Variants in NAA15 observed in about 807,000 individuals in gnomAD.
NAA15 encodes N-terminal acetyltransferase.
In NAA15, 34 loss-of-function variants were observed where a neutral mutation model predicts 114.0. That is an observed-to-expected ratio of 0.30 (90% confidence interval 0.23 to 0.40). The LOEUF (loss-of-function observed/expected upper bound fraction) is 0.40. Ranked by LOEUF, NAA15 falls within the 10% of genes least tolerant of loss-of-function variation. The pLI, the probability that NAA15 is intolerant of heterozygous loss-of-function variation, is 1.00. For missense variants in NAA15, 658 were observed against 1,004.5 expected (o/e 0.66, Z 4.66); for synonymous variants, 340 against 338.0 (o/e 1.01, Z -0.06).
intron 4 of NAA15, among the ~76,000 whole-genome samples, chr4:139,342,396 A>G (rs1272596733): frequency 6.6e-6 from 1 of 152,002 alleles, no homozygotes; most frequent in Non-Finnish European, 1.5e-5. Flanking sequence ...AAGCTACACA[A>G]TATGGATGTT....
At chr4:139,332,574 T>TG in intron 1 of NAA15, among the ~76,000 whole-genome samples, 1 of 87,808 alleles carries the variant, frequency 1.1e-5, no homozygotes, top group Non-Finnish European at 2.1e-5. Context: ...GTTTGTATGT[T>TG]TTTTTTTTTT....
chr4:139,334,058 A>G, intron 1 of NAA15, 116 bp from the exon 2 acceptor site: 2 of 660,808 alleles, frequency 3.0e-6, no homozygotes, highest in Admixed American at 3.3e-5. Context: ...ACCGAGATTT[A>G]GAAGCATATG....
At chr4:139,302,165 G>A in intron 1 of NAA15, 1 of 285,450 alleles carries the variant, frequency 3.5e-6, no homozygotes, top group East Asian at 6.2e-5. Context: ...GGCGACACCG[G>A]CAGGAGTCGC....
chr4:139,301,870 A>T (rs1319358220), intron 1 of NAA15, 39 bp downstream of exon 1: 1 of 1,562,946 alleles, frequency 6.4e-7, no homozygotes, highest in Non-Finnish European at 8.7e-7. Flanking sequence ...GGGAGGATTT[A>T]GCCGGTAACC....
At chr4:139,352,429 T>A (rs922601857) in intron 9 of NAA15, among the ~76,000 whole-genome samples, 1 of 151,642 alleles carries the variant, frequency 6.6e-6, no homozygotes, top group Non-Finnish European at 1.5e-5. Flanking sequence ...TAATTTTAAT[T>A]TTTAGATTAT....
chr4:139,340,761 T>G (rs1266035894), intron 3 of NAA15, 151 bp from the exon 4 acceptor site: 1 of 567,698 alleles, frequency 1.8e-6, no homozygotes, highest in African/African-American at 1.9e-5. Flanking sequence ...ATTAAACTGC[T>G]TTATATCTTT....
chr4:139,349,648 T>C (rs1747716047), intron 7 of NAA15, 67 bp downstream of exon 7: 17 of 1,433,332 alleles, frequency 1.2e-5, no homozygotes, highest in Non-Finnish European at 1.6e-5. Flanking sequence ...ATTTACTCAT[T>C]GAAAAGCACA....
chr4:139,356,440 T>C (rs1747953338), intron 10 of NAA15: 1 of 152,212 alleles, frequency 6.6e-6, no homozygotes, highest in Non-Finnish European at 1.5e-5. Context: ...ATAGTACTTT[T>C]TTCCATGATT....
Position 139,308,320 on chromosome 4 carries a change from C to G in NAA15, c.54+6489C>G, listed in dbSNP as rs1746096153. ...ATTTTCTTTGGGAAAGTTAATGTTT[C>G]TGCTAGTTAATGATACTTAGTTTAG... On this transcript the variant is annotated intron_variant, in intron 1 of 19. Coordinates refer to ENST00000296543, the MANE Select transcript of NAA15 (RefSeq NM_057175.5). 2.0e-5 allele frequency among the ~76,000 whole-genome samples: 3 copies of G among 152,174 alleles called. No individual in the cohort carries two copies. The South Asian group carries it at 6.2e-4, about 32-fold the overall frequency.
chr4:139,376,382 A>G lies in NAA15; in HGVS notation c.1965A>G (p.Glu655=). The change falls in exon 16 of 20, where the codon GAA becomes GAG. Residue 655 remains glutamate, a synonymous_variant. Transcript: ENST00000296543. ...EKLAKVETPL[E]EAIKFLTPLK... is the part of the protein sequence containing the mutation. ...TTTGTTAGGTTGAAACTCCATTGGA[A>G]GAAGCTATTAAATTTTTAACACCGT... is the stretch of plus-strand genomic sequence containing the variant. The G allele has an allele frequency of 1.2e-6, 2 of 1,606,178 alleles. No homozygotes were observed. The highest frequency in any genetic ancestry group is 1.7e-6 in the Non-Finnish European group (2 of 1,173,154).
chr4:139,372,839 G>T (rs1295287387), intron 15 of NAA15, among the ~76,000 whole-genome samples: 2 of 151,802 alleles, frequency 1.3e-5, no homozygotes, highest in Non-Finnish European at 2.9e-5. Context: ...ATTTAACAGG[G>T]ATACATTCTG....
intron 10 of NAA15, among the ~76,000 whole-genome samples, chr4:139,356,901 A>G (rs1747970847): frequency 1.4e-5 from 2 of 144,968 alleles, no homozygotes; most frequent in South Asian, 4.5e-4. Context: ...TAAGAATATA[A>G]TCACCAAATT....
Position 139,355,091 on chromosome 4 carries a change from C to T in NAA15, c.1087+993C>T, listed in dbSNP as rs181743860. 1.4e-4 allele frequency among the ~76,000 whole-genome samples: 22 copies of T among 152,130 alleles called. No homozygotes were observed. The East Asian group carries it at 4.1e-3, about 28-fold the overall frequency. ...GTCTCACCATATTGGCCAGGCCAGG[C>T]TGGTCTCGAACTCCTGACCTCAAGT... On this transcript the variant is annotated intron_variant, in intron 10 of 19. Transcript: ENST00000296543.
chr4:139,351,530 T>G lies in NAA15; in HGVS notation c.933T>G (p.Asp311Glu). Reference protein sequence around the residue: ...LSGEKFKECLDKFLRMNFSKG... With the variant: ...LSGEKFKECLEKFLRMNFSKG... Reference sequence around the variant, plus strand: ...GTGAGAAGTTTAAAGAATGTTTGGATAAGTTCCTAAGGATGAATTTCAGCA... The same window carrying G: ...GTGAGAAGTTTAAAGAATGTTTGGAGAAGTTCCTAAGGATGAATTTCAGCA... The change falls in exon 9 of 20, where the codon GAT becomes GAG. Residue 311 changes from aspartate (D) to glutamate (E), a missense_variant. By Grantham distance (45) the Asp-to-Glu change is conservative. This residue lies in a region of NAA15 where 281 missense variants were observed against 389.1 expected (regional missense o/e 0.72). Coordinates refer to ENST00000296543, the MANE Select transcript of NAA15 (RefSeq NM_057175.5). 6.2e-7 allele frequency: 1 copy of G among 1,602,370 alleles called. No homozygotes were observed. The highest frequency in any genetic ancestry group is 8.5e-7 in the Non-Finnish European group (1 of 1,169,626).
At chr4:139,320,581 C>T (rs1281751566) in intron 1 of NAA15, among the ~76,000 whole-genome samples, 7 of 152,196 alleles carry the variant, frequency 4.6e-5, no homozygotes, top group African/African-American at 9.6e-5. Flanking sequence ...AGTGCAGTGG[C>T]ATGATCTCGG....
intron 14 of NAA15, among the ~76,000 whole-genome samples, chr4:139,364,750 G>C (rs145846297): frequency 2.0e-5 from 3 of 152,278 alleles, no homozygotes; most frequent in African/African-American, 7.2e-5. Flanking sequence ...TTTACATGCA[G>C]ATTTTTGCTT....
In NAA15 at chr4:139,349,573, T is replaced by G; in HGVS notation, c.803T>G (p.Leu268Arg). The G allele has an allele frequency of 6.2e-7, 1 of 1,606,024 alleles. No homozygotes were observed. The highest frequency in any genetic ancestry group is 8.5e-7 in the Non-Finnish European group (1 of 1,177,988). ...WAYYKGLEKALKPANMLERLK... is the reference protein window; with the variant it reads ...WAYYKGLEKARKPANMLERLK... ...TATTACAAAGGCTTGGAAAAAGCAC[T>G]CAAGCCAGGTAGTATTGTTTAAAAC... Residue 268 changes from leucine (L) to arginine (R), a missense_variant, in exon 7 of 20, where the codon CTC becomes CGC. By Grantham distance (102) the Leu-to-Arg change is moderately radical. Around this residue, in one of 6 missense-constraint regions of NAA15, gnomAD observed 281 missense variants for 389.1 expected, o/e 0.72. Transcript: ENST00000296543.
intron 12 of NAA15, among the ~76,000 whole-genome samples, chr4:139,360,162 T>G (rs916918410): frequency 6.6e-6 from 1 of 152,098 alleles, no homozygotes; most frequent in East Asian, 1.9e-4. Flanking sequence ...GAACTAAAAT[T>G]TATTGAATAC....
At chr4:139,333,156 T>G (rs2110893473) in intron 1 of NAA15, among the ~76,000 whole-genome samples, 1 of 66,242 alleles carries the variant, frequency 1.5e-5, no homozygotes, top group South Asian at 4.3e-4. Context: ...TAGATGCAGT[T>G]TTTTTTTTTC....
Sources: allele counts gnomAD v4.1 joint callset (sites outside exome capture counted in the v4.1 genomes callset), GRCh38; gene constraint gnomAD v4.1.1; regional missense constraint gnomAD v4.1.1; transcripts MANE v1.5; gene names NCBI Gene and HGNC (gene_info 2026-07-23, HGNC 2026-07-21).